The following ALPK3 variants were observed in gnomAD, a reference collection of about 807,000 sequenced individuals.
ALPK3 encodes the protein alpha-protein kinase 3.
In ALPK3, 102 loss-of-function variants were observed where a neutral mutation model predicts 140.0. The ratio of observed to expected loss-of-function variants is 0.73; its 90% CI spans 0.62 to 0.86. The LOEUF is 0.86. Among genes scored for constraint, ALPK3 ranks in the 40% least tolerant of loss-of-function variants. The probability of loss-of-function intolerance (pLI) is 0.00; values close to 1 mark genes in which losing one functional copy is unlikely to be tolerated. For synonymous variants in ALPK3, 938 were observed against 898.5 expected (o/e 1.04, Z -0.79); for missense variants, 2,254 against 2,208.2 (o/e 1.02, Z -0.42).
At position 84,857,720 on chromosome 15, in the gene ALPK3, A is replaced by G; in HGVS notation, c.2982A>G (p.Ser994=). The change falls in exon 6 of 14, where the codon TCA becomes TCG. Residue 994 remains serine, a synonymous_variant. Coordinates refer to ENST00000258888, the MANE Select transcript of ALPK3 (RefSeq NM_020778.5). ...CAGCCACCGGAGGTCTGGTGCCCTC[A>G]GCCACTCTGACACCCACTGTGGAAG... The part of the protein sequence containing the change: ...VGAATGGLVP[S]ATLTPTVEVA... 1 of 1,612,688 alleles carries G rather than the reference A, an allele frequency of 6.2e-7. No homozygotes were observed. Among genetic ancestry groups the G allele is most frequent in the Non-Finnish European group, 8.5e-7 (1 of 1,179,078 alleles).
rs368475496 is a variant in ALPK3, at chr15:84,863,055, G to C, written c.4410+140G>C. 2.5e-5 allele frequency: 31 copies of C among 1,219,524 alleles called. No individual in the cohort carries two copies. The East Asian group carries it at 5.3e-4, about 21-fold the overall frequency. The allele number at this position is 1,219,524 out of a possible 1,614,324, so 75.5% of individuals were successfully genotyped here. A position where few individuals can be genotyped will look rare whatever the true frequency, so the allele number is the denominator to read the frequency against. On this transcript the variant is annotated intron_variant, in intron 10 of 13. Transcript: ENST00000258888. ...CTTATGAGGCTCCTAGGAGGACCTT[G>C]TGGAAAGCCTGAGATGCAGCCCAGA...
chr15:84,832,065 C>A (rs1348860014), intron 3 of ALPK3, among the ~76,000 whole-genome samples: 1 of 152,170 alleles, frequency 6.6e-6, no homozygotes, highest in Non-Finnish European at 1.5e-5. Context: ...TAAACTTCAT[C>A]TTTGGCTGTG....
chr15:84,840,671 C>T lies in ALPK3; in HGVS notation c.1392C>T (p.Gly464=). ...ARSEGVPGAP[G]QPTHSLTPQP... ...GCGAGGGGGTGCCTGGCGCTCCTGG[C>T]CAGCCCACACACTCCTTGACCCCCC... The change falls in exon 5 of 14, where the codon GGC becomes GGT. Residue 464 remains glycine (G), a synonymous_variant. Transcript: ENST00000258888. 6.3e-7 allele frequency: 1 copy of T among 1,592,118 alleles called. No homozygotes were observed. The highest frequency in any genetic ancestry group is 1.1e-5 in the South Asian group (1 of 87,206).
At position 84,862,706 on chromosome 15, in the gene ALPK3, A is replaced by C; in HGVS notation, c.4201A>C (p.Lys1401Gln). 6.2e-7 allele frequency: 1 copy of C among 1,614,142 alleles called. No individual in the cohort carries two copies. The highest frequency in any genetic ancestry group is 2.2e-5 in the East Asian group (1 of 44,868). The change falls in exon 10 of 14, where the codon AAG (lysine) becomes CAG (glutamine). Residue 1401 changes from lysine to glutamine, a missense_variant. This residue lies in a region of ALPK3 where 2,088 missense variants were observed against 2,022.9 expected (regional missense o/e 1.03). Coordinates refer to ENST00000258888, the MANE Select transcript of ALPK3 (RefSeq NM_020778.5). Reference sequence around the variant, plus strand: ...GGCTGACTCTGGCTGCTGGGGGGACAAGCTCTTTGGGCGACTGGTAAGCGA... The same window carrying C: ...GGCTGACTCTGGCTGCTGGGGGGACCAGCTCTTTGGGCGACTGGTAAGCGA... ...GLADSGCWGD[K>Q]LFGRLVSEEL...
rs185073917 is a variant in ALPK3 at position 84,849,679 on chromosome 15, G to A, written c.1654-6713G>A. ...TTATGGGCCAAGGAAGAAGTCCTAA[G>A]GCCAATTAGAAAACATTTTAAATTG... On this transcript the variant is annotated intron_variant, in intron 5 of 13. Transcript: ENST00000258888. Among the ~76,000 whole-genome samples the A allele has an allele frequency of 1.5e-4, 23 of 152,152 alleles. No homozygotes were observed. In the East Asian group the frequency reaches 4.0e-3, roughly 27 times the overall value.
chr15:84,823,272 T>C, intron 1 of ALPK3, 58 bp from the exon 2 acceptor site: 1 of 1,597,298 alleles, frequency 6.3e-7, no homozygotes. Flanking sequence ...ACTGTTGATT[T>C]CGCCTACTTC....
rs2141542019 is a variant in ALPK3 at position 84,817,358 on chromosome 15, G to GAGC, written c.-94_-92dup. The GAGC allele has an allele frequency of 8.1e-7, 1 of 1,232,160 alleles. No homozygotes were observed. Among genetic ancestry groups the GAGC allele is most frequent in the African/African-American group, 1.6e-5 (1 of 64,040 alleles). 76.3% of individuals were successfully genotyped at this position (1,232,160 alleles called of 1,614,324 possible). A position where few individuals can be genotyped will look rare whatever the true frequency, so the allele number is the denominator to read the frequency against. On this transcript the variant is annotated 5_prime_UTR_variant, in exon 1 of 14. Coordinates refer to ENST00000258888, the MANE Select transcript of ALPK3 (RefSeq NM_020778.5). The stretch of plus-strand genomic sequence containing the variant: ...AGGGGCGCGCGTCAGCCGCGGGCGG[G>GAGC]AGCGGCGGCGGCGGGCAGGGGCCCG...
chr15:84,862,158 G>T (rs982205951), intron 9 of ALPK3, among the ~76,000 whole-genome samples: 4 of 152,142 alleles, frequency 2.6e-5, no homozygotes, highest in African/African-American at 9.7e-5. Context: ...GTCACAATTT[G>T]AGCATTAGGG....
rs1963866907 is a variant in ALPK3 at position 84,856,779 on chromosome 15, C to A, written c.2041C>A (p.Gln681Lys). 1.2e-6 allele frequency: 2 copies of A among 1,613,974 alleles called. No homozygotes were observed. Among genetic ancestry groups the A allele is most frequent in the Non-Finnish European group, 8.5e-7 (1 of 1,180,008 alleles). The change falls in exon 6 of 14, where the codon CAG (glutamine) becomes AAG (lysine). Residue 681 changes from glutamine to lysine, a missense_variant. Transcript: ENST00000258888. ...LETTQAGEKI[Q>K]EDRKAQADKG... The stretch of plus-strand genomic sequence containing the variant: ...AACAACACAGGCAGGTGAGAAGATA[C>A]AGGAAGACAGGAAGGCCCAGGCAGA...
intron 13 of ALPK3, among the ~76,000 whole-genome samples, chr15:84,867,893 C>A (rs916545594): frequency 2.0e-5 from 3 of 151,922 alleles, no homozygotes; most frequent in African/African-American, 7.3e-5. Context: ...CAGCCTGGGC[C>A]AAGTAGAGAG....
chr15:84,868,744 A>T lies in ALPK3; in HGVS notation c.*288A>T. The T allele has an allele frequency of 2.2e-6, 1 of 452,212 alleles. No homozygotes were observed. Among genetic ancestry groups the T allele is most frequent in the Admixed American group, 3.6e-5 (1 of 28,008 alleles). The allele number at this position is 452,212 out of a possible 1,614,324, so 28.0% of individuals were successfully genotyped here. On this transcript the variant is annotated 3_prime_UTR_variant, in exon 14 of 14. Coordinates refer to ENST00000258888, the MANE Select transcript of ALPK3 (RefSeq NM_020778.5). ...GCAACCTAGGCCCTCCTTGAAGTTT[A>T]CACTTTGCCACTGCTGGAGGCTCCC... is the stretch of plus-strand genomic sequence containing the variant.
At position 84,856,611 on chromosome 15, in the gene ALPK3, G is replaced by GAT; in HGVS notation, c.1874_1875dup (p.Gly626MetfsTer37). The GAT allele has an allele frequency of 6.2e-7, 1 of 1,614,158 alleles. No individual in the cohort carries two copies. Among genetic ancestry groups the GAT allele is most frequent in the Non-Finnish European group, 8.5e-7 (1 of 1,180,030 alleles). Reference sequence around the variant, plus strand: ...ACAAGTGGATGGAAGGACCAGGGGAGATGGAACACAGACAGCCCAGAGGAC... The same window carrying GAT: ...ACAAGTGGATGGAAGGACCAGGGGAGATATGGAACACAGACAGCCCAGAGGAC... On this transcript the variant is annotated frameshift_variant, in exon 6 of 14. Transcript: ENST00000258888. LOFTEE classifies it high-confidence loss of function.
At chr15:84,842,469 G>A (rs78744734) in intron 5 of ALPK3, among the ~76,000 whole-genome samples, 1 of 152,018 alleles carries the variant, frequency 6.6e-6, no homozygotes, top group East Asian at 1.9e-4. Context: ...GGAACAGGAG[G>A]AAAGCAGTGT....
chr15:84,858,906 TG>T (rs951079333), intron 6 of ALPK3, among the ~76,000 whole-genome samples: 1 of 152,176 alleles, frequency 6.6e-6, no homozygotes, highest in Non-Finnish European at 1.5e-5. Flanking sequence ...TACAGAGTGG[TG>T]GGGACAGGAT....
Position 84,864,594 on chromosome 15 carries a change from A to G in ALPK3, c.4652A>G (p.Gln1551Arg). 1 of 1,614,230 alleles carries G rather than the reference A, an allele frequency of 6.2e-7. No individual in the cohort carries two copies. The highest frequency in any genetic ancestry group is 8.5e-7 in the Non-Finnish European group (1 of 1,180,036). Residue 1551 changes from glutamine (Q) to arginine (R), a missense_variant, in exon 12 of 14, where the codon CAG becomes CGG. By Grantham distance (43) the Gln-to-Arg change is conservative. Around this residue, in one of 3 missense-constraint regions of ALPK3, gnomAD observed 2,088 missense variants for 2,022.9 expected, o/e 1.03. Coordinates refer to ENST00000258888, the MANE Select transcript of ALPK3 (RefSeq NM_020778.5). ...GCATCTGGCAGCTCTGAGGCCATGC[A>G]GAAATGCCAGACCTTCCAACACTGG... ...PTASGSSEAMQKCQTFQHWLY... is the reference protein window; with the variant it reads ...PTASGSSEAMRKCQTFQHWLY...
At chr15:84,864,181 A>G (rs1963979319) in intron 11 of ALPK3, among the ~76,000 whole-genome samples, 2 of 152,108 alleles carry the variant, frequency 1.3e-5, no homozygotes, top group African/African-American at 2.4e-5. Flanking sequence ...CCCAAGCCAC[A>G]CAGTCTGCCT....
At position 84,856,379 on chromosome 15, in the gene ALPK3, C is replaced by T; in HGVS notation, c.1654-13C>T. Reference sequence around the variant, plus strand: ...ATGTAGTTAAATCCTTGCTTTTGTCCCTCTGTTTTCAGGTCCTGGAATGCC... The same window carrying T: ...ATGTAGTTAAATCCTTGCTTTTGTCTCTCTGTTTTCAGGTCCTGGAATGCC... On this transcript the variant is annotated splice_polypyrimidine_tract_variant and intron_variant, in intron 5 of 13. Coordinates refer to ENST00000258888, the MANE Select transcript of ALPK3 (RefSeq NM_020778.5). 1.3e-6 allele frequency: 2 copies of T among 1,573,506 alleles called. No homozygotes were observed. The highest frequency in any genetic ancestry group is 1.7e-6 in the Non-Finnish European group (2 of 1,163,806).
chr15:84,848,763 A>T (rs1963764185), intron 5 of ALPK3, among the ~76,000 whole-genome samples: 1 of 152,208 alleles, frequency 6.6e-6, no homozygotes, highest in African/African-American at 2.4e-5. Flanking sequence ...AAGTAAAATA[A>T]TAGAAAAATA....
At position 84,857,428 on chromosome 15, in the gene ALPK3, TC is replaced by T; in HGVS notation, c.2692del (p.Leu898CysfsTer8). 6.2e-7 allele frequency: 1 copy of T among 1,614,052 alleles called. No homozygotes were observed. On this transcript the variant is annotated frameshift_variant, in exon 6 of 14. Coordinates refer to ENST00000258888, the MANE Select transcript of ALPK3 (RefSeq NM_020778.5). LOFTEE classifies it high-confidence loss of function. Reference protein sequence around the residue: ...PTSQHGSTATFLPSEDQVLMS... With the variant: ...PTSQHGSTATXLPSEDQVLMS... ...TCTCAGCACGGGAGCACAGCCACCT[TC>T]CTGCCCTCTGAGGATCAGGTCCTGA...
Sources: gnomAD v4.1 joint callset for allele counts (sites outside exome capture counted in the v4.1 genomes callset) on GRCh38, gnomAD v4.1.1 for gene constraint, gnomAD v4.1.1 regional missense constraint, MANE v1.5 for transcripts, NCBI Gene and HGNC (gene_info 2026-07-23, HGNC 2026-07-21) for gene names.